COL7A1: variants seen among roughly 807,000 people sequenced by gnomAD.
COL7A1 encodes the protein collagen alpha-1(VII) chain.
In COL7A1, 296 loss-of-function variants were observed where a neutral mutation model predicts 456.2. That is an observed-to-expected ratio of 0.65 (90% CI 0.59 to 0.71). The LOEUF is 0.71. COL7A1 is among the 30% of genes least tolerant of loss of function. The probability of loss-of-function intolerance (pLI) is 0.00; values close to 1 mark genes in which losing one functional copy is unlikely to be tolerated. For synonymous variants in COL7A1, 1,464 were observed against 1,525.9 expected (o/e 0.96, Z 0.95); for missense variants, 3,441 against 4,017.2 (o/e 0.86, Z 3.88).
Position 48,570,533 on chromosome 3 carries a change from C to T in COL7A1, c.7345-33G>A. ...TCAGAGTGAGGTGAGGGTCCTGTGG[C>T]TCTCAAAGCGCCTCCCCCAACACCC... On this transcript the variant is annotated intron_variant, in intron 96 of 118. Transcript: ENST00000681320. The surrounding 1 kb of genome is among the most constrained non-coding windows in gnomAD (Gnocchi z 5.5). 1 of 1,613,998 alleles carries T rather than the reference C, an allele frequency of 6.2e-7. No individual in the cohort carries two copies. Among genetic ancestry groups the T allele is most frequent in the Non-Finnish European group, 8.5e-7 (1 of 1,179,934 alleles).
rs926612304 is a variant in COL7A1 at position 48,578,150 on chromosome 3, G to GC, written c.5532+170dup. On this transcript the variant is annotated intron_variant, in intron 65 of 118. Coordinates refer to ENST00000681320, the MANE Select transcript of COL7A1 (RefSeq NM_000094.4). The surrounding 1 kb of genome is among the most constrained non-coding windows in gnomAD (Gnocchi z 4.7). ...CTGCACTCCAACCTGGGCAACAAGA[G>GC]CGAAACTCCATCTCAAAAAAAAAAA... Among the ~76,000 whole-genome samples, 9 of 151,852 alleles carry GC rather than the reference G, an allele frequency of 5.9e-5. No homozygotes were observed. Among genetic ancestry groups the GC allele is most frequent in the African/African-American group, 2.2e-4 (9 of 41,322 alleles).
chr3:48,581,068 G>A lies in COL7A1; in HGVS notation c.4935+54C>T. ...TGAACTGGTGGAGCACCAGCCTACT[G>A]GGATCCTAGTTCAAGGGTAAAGGAT... On this transcript the variant is annotated intron_variant, in intron 53 of 118. Coordinates refer to ENST00000681320, the MANE Select transcript of COL7A1 (RefSeq NM_000094.4). This position sits in a 1 kb window ranked among gnomAD's most constrained non-coding sequence, Gnocchi z 5.8. 6.2e-7 allele frequency: 1 copy of A among 1,608,950 alleles called. No homozygotes were observed.
In COL7A1 at chr3:48,579,090, G is replaced by A. The variant is rs189092631; in HGVS notation, c.5388+107C>T. On this transcript the variant is annotated intron_variant, in intron 62 of 118. Transcript: ENST00000681320. The surrounding 1 kb of genome is among the most constrained non-coding windows in gnomAD (Gnocchi z 4.4). ...GGAGAAGACACAGACAACAGGTCTC[G>A]CCCCAGAGCTCGTCAAGGCCAAGAC... is the stretch of plus-strand genomic sequence containing the variant. 104 of 1,547,446 alleles carry A rather than the reference G, an allele frequency of 6.7e-5. No individual in the cohort carries two copies. The highest frequency in any genetic ancestry group is 4.7e-4 in the Admixed American group (28 of 59,832).
At position 48,569,176 on chromosome 3, in the gene COL7A1, G is replaced by A. The variant is rs963245060; in HGVS notation, c.7686+199C>T. On this transcript the variant is annotated intron_variant, in intron 103 of 118. Coordinates refer to ENST00000681320, the MANE Select transcript of COL7A1 (RefSeq NM_000094.4). This position sits in a 1 kb window ranked among gnomAD's most constrained non-coding sequence, Gnocchi z 4.9. ...GGCCCCTTCATAGGGCCAGTCCACA[G>A]AGCTCTCCTAACCTCACACCAAGGC... 6.6e-6 allele frequency among the ~76,000 whole-genome samples: 1 copy of A among 151,942 alleles called. No individual in the cohort carries two copies. The highest frequency in any genetic ancestry group is 1.5e-5 in the Non-Finnish European group (1 of 67,982).
In COL7A1 at chr3:48,579,169, A is replaced by G; in HGVS notation, c.5388+28T>C. The G allele has an allele frequency of 6.2e-7, 1 of 1,611,280 alleles. No individual in the cohort carries two copies. The highest frequency in any genetic ancestry group is 8.5e-7 in the Non-Finnish European group (1 of 1,179,144). On this transcript the variant is annotated intron_variant, in intron 62 of 118. Transcript: ENST00000681320. The surrounding 1 kb of genome is among the most constrained non-coding windows in gnomAD (Gnocchi z 4.4). Reference sequence around the variant, plus strand: ...TCATGTGAAGGGGTAGGGGAAGGGGACAACCAGGCAGGACTACCAAGACTC... The same window carrying G: ...TCATGTGAAGGGGTAGGGGAAGGGGGCAACCAGGCAGGACTACCAAGACTC...
rs2107787007 is a variant in COL7A1 at position 48,591,502 on chromosome 3, C to T, written c.1598G>A (p.Gly533Asp). ...RVRVSWSPVP[G>D]ATQYRIIVRS... is the part of the protein sequence containing the mutation. ...CACAATGATGCGGTACTGGGTGGCA[C>T]CAGGGACTGGGCTCCAGGACACTCG... is the stretch of plus-strand genomic sequence containing the variant. The change falls in exon 13 of 119, where the codon GGT becomes GAT. Residue 533 changes from glycine (G) to aspartate (D), a missense_variant. This residue lies in a region of COL7A1 where 913 missense variants were observed against 1,088.2 expected (regional missense o/e 0.84). Transcript: ENST00000681320. The surrounding 1 kb of genome is among the most constrained non-coding windows in gnomAD (Gnocchi z 7.0). 1.9e-6 allele frequency: 3 copies of T among 1,614,030 alleles called. No homozygotes were observed. The highest frequency in any genetic ancestry group is 2.5e-6 in the Non-Finnish European group (3 of 1,179,988).
rs758686979 is a variant in COL7A1 at position 48,570,831 on chromosome 3, T to C, written c.7272+30A>G. On this transcript the variant is annotated intron_variant, in intron 95 of 118. Coordinates refer to ENST00000681320, the MANE Select transcript of COL7A1 (RefSeq NM_000094.4). The surrounding 1 kb of genome is among the most constrained non-coding windows in gnomAD (Gnocchi z 5.5). ...CTCCTCACCCACCATGGATTCACCATGCCCCTACATGCTGTTCCCAGCCCC... is the reference window on the plus strand; with the variant it reads ...CTCCTCACCCACCATGGATTCACCACGCCCCTACATGCTGTTCCCAGCCCC... The C allele has an allele frequency of 5.0e-6, 8 of 1,589,440 alleles. No individual in the cohort carries two copies. In the East Asian group the frequency reaches 1.1e-4, roughly 23 times the overall value.
chr3:48,581,682 C>T lies in COL7A1; in HGVS notation c.4722+24G>A, dbSNP rs142535776. The T allele has an allele frequency of 6.9e-4, 1,106 of 1,614,102 alleles. 13 individuals carry two copies. The East Asian group carries it at 0.02, about 30-fold the overall frequency. ...AGGAAGACAACCTTCACCAACTGCC[C>T]CCTAAACACTTCGCTTCACTTACCC... On this transcript the variant is annotated intron_variant, in intron 49 of 118. Coordinates refer to ENST00000681320, the MANE Select transcript of COL7A1 (RefSeq NM_000094.4). The surrounding 1 kb of genome is among the most constrained non-coding windows in gnomAD (Gnocchi z 5.8).
At position 48,586,406 on chromosome 3, in the gene COL7A1, C is replaced by G. The variant is rs1160924606; in HGVS notation, c.3476G>C (p.Gly1159Ala). 1 of 1,613,918 alleles carries G rather than the reference C, an allele frequency of 6.2e-7. No individual in the cohort carries two copies. The highest frequency in any genetic ancestry group is 8.5e-7 in the Non-Finnish European group (1 of 1,180,018). Residue 1159 changes from glycine to alanine, a missense_variant, in exon 27 of 119, where the codon GGG becomes GCG. By Grantham distance (60) the Gly-to-Ala change is moderately conservative. Around this residue, in one of 3 missense-constraint regions of COL7A1, gnomAD observed 2,084 missense variants for 2,501.3 expected, o/e 0.83. Transcript: ENST00000681320. The surrounding 1 kb of genome is among the most constrained non-coding windows in gnomAD (Gnocchi z 5.1). ...TTCATCCACTAGCAGAACCATCACC[C>G]CTGGTACGTGCTGGCGGCGCCCAGG... is the stretch of plus-strand genomic sequence containing the variant. ...DAPGRRQHVP[G>A]VMVLLVDEPL... is the part of the protein sequence containing the mutation.
chr3:48,566,302 C>T lies in COL7A1; in HGVS notation c.8372G>A (p.Arg2791Gln), dbSNP rs760890354. The T allele has an allele frequency of 9.4e-6, 15 of 1,604,272 alleles. No individual in the cohort carries two copies. Among genetic ancestry groups the T allele is most frequent in the South Asian group, 9.0e-5 (8 of 89,224 alleles). Residue 2791 changes from arginine (R) to glutamine (Q), a missense_variant, in exon 114 of 119, where the codon CGG becomes CAG. Coordinates refer to ENST00000681320, the MANE Select transcript of COL7A1 (RefSeq NM_000094.4). This position sits in a 1 kb window ranked among gnomAD's most constrained non-coding sequence, Gnocchi z 5.9. ...GEAALTEDDIRGFVRQEMSQH... is the reference protein window; with the variant it reads ...GEAALTEDDIQGFVRQEMSQH... ...ACTCATCTCTTGGCGCACAAAGCCCCGGATGTCATCCTCCTGGGAGCAGAA... is the reference window on the plus strand; with the variant it reads ...ACTCATCTCTTGGCGCACAAAGCCCTGGATGTCATCCTCCTGGGAGCAGAA...
rs142059751 is a variant in COL7A1, at chr3:48,571,141, A to T, written c.7124T>A (p.Val2375Asp). The change falls in exon 94 of 119, where the codon GTC becomes GAC. Residue 2375 changes from valine to aspartate, a missense_variant. Physicochemically the swap from Val to Asp is radical, Grantham distance 152. Around this residue, in one of 3 missense-constraint regions of COL7A1, gnomAD observed 2,084 missense variants for 2,501.3 expected, o/e 0.83. Coordinates refer to ENST00000681320, the MANE Select transcript of COL7A1 (RefSeq NM_000094.4). This position sits in a 1 kb window ranked among gnomAD's most constrained non-coding sequence, Gnocchi z 4.6. ...GCCAGGAGGCCCAGGGGAGCCCGGG[A>T]CCCCGACTCCTGGGTCACCCTTTGA... is the stretch of plus-strand genomic sequence containing the variant. ...KGFKGDPGVG[V>D]PGSPGPPGPP... 2.3e-4 allele frequency: 369 copies of T among 1,613,798 alleles called. No individual in the cohort carries two copies. The highest frequency in any genetic ancestry group is 2.8e-4 in the Non-Finnish European group (332 of 1,180,002).
chr3:48,588,755 T>C lies in COL7A1; in HGVS notation c.2474A>G (p.Asn825Ser). The stretch of plus-strand genomic sequence containing the variant: ...ACCCCGGATCTCTGCAGAGTCTGTG[T>C]TTCCTGGGAGTATCTGGTGCCTCAT... ...GPMRHQILPG[N>S]TDSAEIRGLE... The change falls in exon 20 of 119, where the codon AAC becomes AGC. Residue 825 changes from asparagine (N) to serine (S), a missense_variant. Asn to Ser is a conservative substitution (Grantham distance 46). Coordinates refer to ENST00000681320, the MANE Select transcript of COL7A1 (RefSeq NM_000094.4). The surrounding 1 kb of genome is among the most constrained non-coding windows in gnomAD (Gnocchi z 4.6). 1 of 1,613,902 alleles carries C rather than the reference T, an allele frequency of 6.2e-7. No homozygotes were observed. The highest frequency in any genetic ancestry group is 8.5e-7 in the Non-Finnish European group (1 of 1,180,046).
Position 48,581,853 on chromosome 3 carries a change from C to G in COL7A1, c.4668+58G>C. Reference sequence around the variant, plus strand: ...TGACCCCCCAAGTCCCATAGATAGGCCCTATGACCTAGACCTCAACCCTGT... The same window carrying G: ...TGACCCCCCAAGTCCCATAGATAGGGCCTATGACCTAGACCTCAACCCTGT... On this transcript the variant is annotated intron_variant, in intron 48 of 118. Transcript: ENST00000681320. The surrounding 1 kb of genome is among the most constrained non-coding windows in gnomAD (Gnocchi z 5.8). 2 of 1,613,308 alleles carry G rather than the reference C, an allele frequency of 1.2e-6. No homozygotes were observed. Among genetic ancestry groups the G allele is most frequent in the East Asian group, 2.2e-5 (1 of 44,884 alleles).
rs779401732 is a variant in COL7A1, at chr3:48,568,557, A to G, written c.7759-23T>C. ...ACCCTGTGAGAAACACAGATGGGGGAGCCCTTCAGTGGGACTGTCCCCAAC... is the reference window on the plus strand; with the variant it reads ...ACCCTGTGAGAAACACAGATGGGGGGGCCCTTCAGTGGGACTGTCCCCAAC... On this transcript the variant is annotated intron_variant, in intron 104 of 118. Coordinates refer to ENST00000681320, the MANE Select transcript of COL7A1 (RefSeq NM_000094.4). This position sits in a 1 kb window ranked among gnomAD's most constrained non-coding sequence, Gnocchi z 5.2. 6.2e-7 allele frequency: 1 copy of G among 1,604,896 alleles called. No homozygotes were observed. Among genetic ancestry groups the G allele is most frequent in the South Asian group, 1.1e-5 (1 of 90,390 alleles).
At position 48,564,125 on chromosome 3, in the gene COL7A1, C is replaced by G; in HGVS notation, c.*281G>C. Reference sequence around the variant, plus strand: ...CCCCAGAATCAGCACCATGTCATCACAGGCTTGGGTCAAGGGGCGGGTCAG... The same window carrying G: ...CCCCAGAATCAGCACCATGTCATCAGAGGCTTGGGTCAAGGGGCGGGTCAG... On this transcript the variant is annotated 3_prime_UTR_variant, in exon 119 of 119. Transcript: ENST00000681320. The surrounding 1 kb of genome is among the most constrained non-coding windows in gnomAD (Gnocchi z 6.0). The G allele has an allele frequency of 1.8e-6, 1 of 548,368 alleles. No homozygotes were observed. Among genetic ancestry groups the G allele is most frequent in the Non-Finnish European group, 3.3e-6 (1 of 301,202 alleles). 34.0% of individuals were successfully genotyped at this position (548,368 alleles called of 1,614,324 possible).
At position 48,586,268 on chromosome 3, in the gene COL7A1, G is replaced by A. The variant is rs1199844371; in HGVS notation, c.3551-22C>T. Reference sequence around the variant, plus strand: ...AGCCCTAAGGTGGGGTCCAGTGGCTGCATGATAGCCTTTTCAGGGCCACCC... The same window carrying A: ...AGCCCTAAGGTGGGGTCCAGTGGCTACATGATAGCCTTTTCAGGGCCACCC... On this transcript the variant is annotated intron_variant, in intron 27 of 118. Coordinates refer to ENST00000681320, the MANE Select transcript of COL7A1 (RefSeq NM_000094.4). This position sits in a 1 kb window ranked among gnomAD's most constrained non-coding sequence, Gnocchi z 5.1. 6.2e-7 allele frequency: 1 copy of A among 1,613,580 alleles called. No homozygotes were observed. Among genetic ancestry groups the A allele is most frequent in the Non-Finnish European group, 8.5e-7 (1 of 1,180,042 alleles).
chr3:48,574,146 G>C lies in COL7A1; in HGVS notation c.6501+116C>G. On this transcript the variant is annotated intron_variant, in intron 80 of 118. Transcript: ENST00000681320. This position sits in a 1 kb window ranked among gnomAD's most constrained non-coding sequence, Gnocchi z 5.0. ...ACACACAAGCAGGCACACACAGAGAGGCACACAGACACAGGTACACACAAA... is the reference window on the plus strand; with the variant it reads ...ACACACAAGCAGGCACACACAGAGACGCACACAGACACAGGTACACACAAA... 1 of 1,339,684 alleles carries C rather than the reference G, an allele frequency of 7.5e-7. No homozygotes were observed. The highest frequency in any genetic ancestry group is 1.1e-6 in the Non-Finnish European group (1 of 940,982). 83.0% of individuals were successfully genotyped at this position (1,339,684 alleles called of 1,614,324 possible). A position where few individuals can be genotyped will look rare whatever the true frequency, so the allele number is the denominator to read the frequency against.
rs2043593473 is a variant in COL7A1 at position 48,566,117 on chromosome 3, A to G, written c.8407+150T>C. 2.4e-6 allele frequency: 2 copies of G among 831,482 alleles called. No individual in the cohort carries two copies. The highest frequency in any genetic ancestry group is 1.5e-5 in the South Asian group (1 of 67,276). 51.5% of individuals were successfully genotyped at this position (831,482 alleles called of 1,614,324 possible). On this transcript the variant is annotated intron_variant, in intron 114 of 118. Transcript: ENST00000681320. This position sits in a 1 kb window ranked among gnomAD's most constrained non-coding sequence, Gnocchi z 5.9. ...TCTCCCTCCACTGGGGACACATGTC[A>G]TGTGTCAGTCCTGCAGCACATGTGT...
rs1206658136 is a variant in COL7A1 at position 48,572,204 on chromosome 3, TCAGTCA to T, written c.6979-39_6979-34del. Reference sequence around the variant, plus strand: ...CAGAGGTCAGGAGGCAACACAGGCATCAGTCACAGAAAGATGAGACTCCGGAGGGAG... The same window carrying T: ...CAGAGGTCAGGAGGCAACACAGGCATCAGAAAGATGAGACTCCGGAGGGAG... On this transcript the variant is annotated intron_variant, in intron 90 of 118. Coordinates refer to ENST00000681320, the MANE Select transcript of COL7A1 (RefSeq NM_000094.4). The surrounding 1 kb of genome is among the most constrained non-coding windows in gnomAD (Gnocchi z 4.6). 8 of 1,613,908 alleles carry T rather than the reference TCAGTCA, an allele frequency of 5.0e-6. No individual in the cohort carries two copies. The African/African-American group carries it at 8.0e-5, about 16-fold the overall frequency.
Sources: allele counts gnomAD v4.1 joint callset (sites outside exome capture counted in the v4.1 genomes callset), GRCh38; gene constraint gnomAD v4.1.1; regional missense constraint gnomAD v4.1.1; non-coding constraint Gnocchi (gnomAD v3.1); transcripts MANE v1.5; gene names NCBI Gene and HGNC (gene_info 2026-07-23, HGNC 2026-07-21).